ATF6: variants seen among roughly 807,000 people sequenced by gnomAD.
The protein encoded by ATF6 is activating transcription factor 6, also known as cyclic AMP-dependent transcription factor ATF-6 alpha.
ATF6 carries 53 observed loss-of-function variants against 83.6 expected under a neutral mutation model. The ratio of observed to expected loss-of-function variants is 0.63; its 90% CI spans 0.51 to 0.80. ATF6 has a LOEUF of 0.80. Ranked by LOEUF, ATF6 falls within the 30% of genes least tolerant of loss-of-function variation. ATF6 has a pLI of 0.00. For synonymous variants in ATF6, 288 were observed against 285.8 expected (o/e 1.01, Z -0.08); for missense variants, 744 against 797.9 (o/e 0.93, Z 0.81).
chr1:161,776,920 T>C (rs1684528268), intron 1 of ATF6, among the ~76,000 whole-genome samples: 2 of 151,960 alleles, frequency 1.3e-5, no homozygotes, highest in African/African-American at 2.4e-5. Flanking sequence ...AGGGACAAAT[T>C]TGTGTTAGGG....
intron 6 of ATF6, 152 bp downstream of exon 6, chr1:161,792,479 T>C (rs1684907008): frequency 1.4e-6 from 1 of 730,186 alleles, no homozygotes; most frequent in East Asian, 2.6e-5. Context: ...AGATGACTAA[T>C]GTGTGGTTCC....
chr1:161,920,886 G>C (rs1014447800), intron 15 of ATF6, among the ~76,000 whole-genome samples: 1 of 152,208 alleles, frequency 6.6e-6, no homozygotes, highest in Middle Eastern at 3.4e-3. Flanking sequence ...AACTATTTAG[G>C]CCTGGCTTCA....
intron 1 of ATF6, among the ~76,000 whole-genome samples, chr1:161,769,958 TG>T (rs1684348121): frequency 6.6e-6 from 1 of 152,172 alleles, no homozygotes; most frequent in East Asian, 1.9e-4. Context: ...CCAACAGGGT[TG>T]GGAACCACTG....
intron 1 of ATF6, among the ~76,000 whole-genome samples, chr1:161,774,002 C>A (rs1684458268): frequency 6.6e-6 from 1 of 152,148 alleles, no homozygotes; most frequent in Non-Finnish European, 1.5e-5. Flanking sequence ...CACTTTATAT[C>A]TTAATATTAC....
chr1:161,944,062 T>A (rs573829993), intron 15 of ATF6, among the ~76,000 whole-genome samples: 2 of 152,142 alleles, frequency 1.3e-5, no homozygotes, highest in Non-Finnish European at 2.9e-5. Flanking sequence ...AGAAGCTAAG[T>A]GAGTTTCCCC....
intron 1 of ATF6, among the ~76,000 whole-genome samples, chr1:161,772,508 C>T (rs1445567695): frequency 3.3e-5 from 5 of 152,156 alleles, no homozygotes; most frequent in African/African-American, 9.7e-5. Context: ...CTCATTTACC[C>T]ACCTATCAAC....
chr1:161,792,949 C>T (rs761672551), intron 6 of ATF6, among the ~76,000 whole-genome samples: 1 of 152,078 alleles, frequency 6.6e-6, no homozygotes, highest in Non-Finnish European at 1.5e-5. Flanking sequence ...GAGTCATTTC[C>T]GTATGGAGAT....
intron 9 of ATF6, among the ~76,000 whole-genome samples, chr1:161,822,057 C>G (rs1685778619): frequency 6.6e-6 from 1 of 152,046 alleles, no homozygotes; most frequent in African/African-American, 2.4e-5. Flanking sequence ...TCGGAGGAAG[C>G]AAACATAGAC....
intron 7 of ATF6, among the ~76,000 whole-genome samples, chr1:161,812,389 T>C (rs1252801178): frequency 2.2e-4 from 23 of 105,826 alleles, no homozygotes; most frequent in Admixed American, 8.6e-4. Flanking sequence ...TTTTTTTTTT[T>C]TTTTTTTTTT....
At chr1:161,770,023 T>C (rs1684349635) in intron 1 of ATF6, among the ~76,000 whole-genome samples, 1 of 152,168 alleles carries the variant, frequency 6.6e-6, no homozygotes, top group African/African-American at 2.4e-5. Context: ...TACAGTATTA[T>C]ATAGAATAGT....
At chr1:161,823,619 C>T (rs1685814884) in intron 9 of ATF6, among the ~76,000 whole-genome samples, 1 of 152,158 alleles carries the variant, frequency 6.6e-6, no homozygotes, top group Non-Finnish European at 1.5e-5. Flanking sequence ...CCTATTGTTG[C>T]TTCTTTAGGT....
At chr1:161,863,170 G>A (rs775438695) in intron 13 of ATF6, 28 bp from the exon 14 acceptor site, 1 of 1,358,548 alleles carries the variant, frequency 7.4e-7, no homozygotes, top group Non-Finnish European at 1.0e-6. Flanking sequence ...TTTTATTTTA[G>A]TAATACCTTA....
chr1:161,822,536 C>G (rs970851857), intron 9 of ATF6, among the ~76,000 whole-genome samples: 1 of 132,972 alleles, frequency 7.5e-6, no homozygotes, highest in Non-Finnish European at 1.5e-5. Context: ...TGAATGATCT[C>G]TTTTTTAAAA....
At chr1:161,784,248 G>T in intron 4 of ATF6, 152 bp downstream of exon 4, 1 of 598,740 alleles carries the variant, frequency 1.7e-6, no homozygotes. Context: ...GAGCCTTGTG[G>T]GAGCTAGAAA....
rs1686493940 is a variant in ATF6, at chr1:161,846,671, G to A, written c.1319+91G>A. 9 of 1,298,482 alleles carry A rather than the reference G, an allele frequency of 6.9e-6. No individual in the cohort carries two copies. In the Admixed American group the frequency reaches 1.1e-4, roughly 16 times the overall value. The allele number at this position is 1,298,482 out of a possible 1,614,324, so 80.4% of individuals were successfully genotyped here. A position where few individuals can be genotyped will look rare whatever the true frequency, so the allele number is the denominator to read the frequency against. On this transcript the variant is annotated intron_variant, in intron 10 of 15. Transcript: ENST00000367942. ...TGTAGTATAACATTGCATCTAAATT[G>A]TTCGTGTATATTTTGAGTAGTAGAA...
intron 11 of ATF6, among the ~76,000 whole-genome samples, chr1:161,852,735 C>T (rs1331434564): frequency 1.3e-5 from 2 of 152,156 alleles, no homozygotes; most frequent in African/African-American, 4.8e-5. Flanking sequence ...GCCTTCGCCT[C>T]CTGAGTAGCT....
At chr1:161,944,072 C>T (rs1262562796) in intron 15 of ATF6, among the ~76,000 whole-genome samples, 1 of 152,062 alleles carries the variant, frequency 6.6e-6, no homozygotes, top group East Asian at 1.9e-4. Flanking sequence ...TGAGTTTCCC[C>T]AAAATGATAT....
At chr1:161,947,098 A>T (rs187461142) in intron 15 of ATF6, among the ~76,000 whole-genome samples, 1 of 152,206 alleles carries the variant, frequency 6.6e-6, no homozygotes, top group Admixed American at 6.5e-5. Context: ...ATTATTCATG[A>T]CCCTTGTTGA....
intron 15 of ATF6, 47 bp from the exon 16 acceptor site, chr1:161,958,399 G>A (rs567688040): frequency 6.6e-7 from 1 of 1,524,778 alleles, no homozygotes; most frequent in South Asian, 1.3e-5. Flanking sequence ...TGGCAGAGAT[G>A]CACATTCTGT....
Sources: gnomAD v4.1 joint callset for allele counts (sites outside exome capture counted in the v4.1 genomes callset) on GRCh38, gnomAD v4.1.1 for gene constraint, MANE v1.5 for transcripts, NCBI Gene and HGNC (gene_info 2026-07-23, HGNC 2026-07-21) for gene names.